Variants in ZNF26 observed in about 807,000 individuals in gnomAD.
ZNF26 encodes the protein zinc finger protein 26, also known as epididymis luminal protein 179.
A neutral mutation model predicts 54.9 loss-of-function variants in ZNF26; 32 were observed. That is an observed-to-expected ratio of 0.58 (90% CI 0.44 to 0.78). The LOEUF (loss-of-function observed/expected upper bound fraction) is 0.78. Ranked by LOEUF, ZNF26 falls within the 30% of genes least tolerant of loss-of-function variation. The pLI, the probability that ZNF26 is intolerant of heterozygous loss-of-function variation, is 0.00. For missense variants in ZNF26, 524 were observed against 634.0 expected (o/e 0.83, Z 1.86); for synonymous variants, 221 against 209.2 (o/e 1.06, Z -0.49).
Position 133,007,390 on chromosome 12 carries a change from T to A in ZNF26, c.161-47T>A, listed in dbSNP as rs1953354505. The A allele has an allele frequency of 4.6e-6, 7 of 1,523,290 alleles. No homozygotes were observed. The South Asian group carries it at 5.9e-5, about 13-fold the overall frequency. 94.4% of individuals were successfully genotyped at this position (1,523,290 alleles called of 1,614,324 possible). Reference sequence around the variant, plus strand: ...TCTGTAGCTCTTGATTCCTCGGTCCTGTCCCTAACAGCCTGGTCCCCACCC... The same window carrying A: ...TCTGTAGCTCTTGATTCCTCGGTCCAGTCCCTAACAGCCTGGTCCCCACCC... On this transcript the variant is annotated intron_variant, in intron 2 of 3. Transcript: ENST00000328654.
chr12:133,009,013 A>G (rs1055037579), intron 3 of ZNF26, among the ~76,000 whole-genome samples: 7 of 152,016 alleles, frequency 4.6e-5, no homozygotes. Flanking sequence ...CAGATCTCAC[A>G]AGAACTCACT....
chr12:132,992,934 A>AT (rs1257368844), intron 1 of ZNF26, among the ~76,000 whole-genome samples: 3 of 146,742 alleles, frequency 2.0e-5, no homozygotes, highest in African/African-American at 7.6e-5. Context: ...AAGTTCAAAG[A>AT]TTTTTTTCCT....
intron 1 of ZNF26, among the ~76,000 whole-genome samples, chr12:133,003,897 A>G (rs917332953): frequency 6.8e-6 from 1 of 146,988 alleles, no homozygotes; most frequent in Non-Finnish European, 1.5e-5. Context: ...CTTGGGATGT[A>G]TAAATAAGAA....
chr12:132,993,129 A>G (rs2137217553), intron 1 of ZNF26, among the ~76,000 whole-genome samples: 1 of 149,724 alleles, frequency 6.7e-6, no homozygotes, highest in Non-Finnish European at 1.5e-5. Context: ...GGTTCAAGCC[A>G]TTCTTGTGCC....
chr12:132,990,235 C>T (rs1198610926), intron 1 of ZNF26, among the ~76,000 whole-genome samples: 2 of 152,176 alleles, frequency 1.3e-5, no homozygotes, highest in Non-Finnish European at 2.9e-5. Context: ...CTGCTGTGAG[C>T]CATGTTTGCA....
In ZNF26 at chr12:133,001,645, A is replaced by T; in HGVS notation, c.34-5397A>T. 1.6e-6 allele frequency: 2 copies of T among 1,288,926 alleles called. No individual in the cohort carries two copies. Among genetic ancestry groups the T allele is most frequent in the South Asian group, 2.5e-5 (2 of 81,014 alleles). The allele number at this position is 1,288,926 out of a possible 1,614,324, so 79.8% of individuals were successfully genotyped here. A position where few individuals can be genotyped will look rare whatever the true frequency, so the allele number is the denominator to read the frequency against. On this transcript the variant is annotated intron_variant, in intron 1 of 3. Transcript: ENST00000328654. The surrounding 1 kb of genome is among the most constrained non-coding windows in gnomAD (Gnocchi z 4.7). ...TCCCTCCCTGCAGGTAGTGCTGCTG[A>T]GGAGGAGCCTGCTAATGAGCTCAAG...
In ZNF26 at chr12:133,014,851, G is replaced by C. The variant is rs1201990763; in HGVS notation, c.*3370G>C. 2 of 152,042 alleles carry C rather than the reference G, an allele frequency of 1.3e-5. No homozygotes were observed. The highest frequency in any genetic ancestry group is 2.9e-5 in the Non-Finnish European group (2 of 68,032). 9.4% of individuals were successfully genotyped at this position (152,042 alleles called of 1,614,324 possible). On this transcript the variant is annotated 3_prime_UTR_variant, in exon 4 of 4. Coordinates refer to ENST00000328654, the MANE Select transcript of ZNF26 (RefSeq NM_019591.4). ...GTGAGCCACCATGCCTGACCATGAT[G>C]ATGGTTTTAAAAGTTAGCTGTAGCA...
intron 1 of ZNF26, chr12:133,006,145 C>T (rs1381462904): frequency 1.0e-6 from 1 of 985,178 alleles, no homozygotes; most frequent in African/African-American, 1.7e-5. Context: ...TTTGCTGTTG[C>T]TTAGAATGCA....
rs35487841 is a variant in ZNF26 at position 133,010,655 on chromosome 12, G to C, written c.776G>C (p.Gly259Ala). Residue 259 changes from glycine to alanine, a missense_variant, in exon 4 of 4, where the codon GGC (glycine) becomes GCC (alanine). Coordinates refer to ENST00000328654, the MANE Select transcript of ZNF26 (RefSeq NM_019591.4). The stretch of plus-strand genomic sequence containing the variant: ...ATTCACACAGGAGGGAAACCCTATG[G>C]CTGCAGTGAATGTGGGAAAGCCTAC... ...QEIHTGGKPYGCSECGKAYSW... is the reference protein window; with the variant it reads ...QEIHTGGKPYACSECGKAYSW... 9.3e-5 allele frequency: 150 copies of C among 1,613,866 alleles called. No individual in the cohort carries two copies. Among genetic ancestry groups the C allele is most frequent in the Non-Finnish European group, 1.2e-4 (141 of 1,179,996 alleles).
intron 1 of ZNF26, chr12:133,005,259 G>C (rs1246108281): frequency 6.6e-6 from 1 of 152,132 alleles, no homozygotes; most frequent in Non-Finnish European, 1.5e-5. Flanking sequence ...CTGGAGTGCA[G>C]TGATGCGATC....
intron 1 of ZNF26, among the ~76,000 whole-genome samples, chr12:132,994,287 T>C (rs1178172909): frequency 6.6e-6 from 1 of 152,276 alleles, no homozygotes; most frequent in East Asian, 1.9e-4. Flanking sequence ...TGCCTGTCTC[T>C]AATTTTGGGG....
intron 1 of ZNF26, among the ~76,000 whole-genome samples, chr12:133,003,832 C>T (rs753633258): frequency 2.0e-5 from 3 of 152,210 alleles, no homozygotes; most frequent in South Asian, 4.2e-4. Flanking sequence ...TGGTGAACCA[C>T]GTGGAGGTGC....
At chr12:133,009,836 TG>T (rs1261826880) in intron 3 of ZNF26, among the ~76,000 whole-genome samples, 1 of 152,182 alleles carries the variant, frequency 6.6e-6, no homozygotes, top group African/African-American at 2.4e-5. Flanking sequence ...CCCTAGTAGC[TG>T]GGATTACAGG....
At chr12:133,002,656 C>T (rs1953244200) in intron 1 of ZNF26, among the ~76,000 whole-genome samples, 1 of 151,806 alleles carries the variant, frequency 6.6e-6, no homozygotes, top group Admixed American at 6.6e-5. Context: ...ATGTAGTCTT[C>T]TGTGTCGCCC....
rs1338669013 is a variant in ZNF26, at chr12:133,017,007, G to T, written c.*5526G>T. 1 of 151,872 alleles carries T rather than the reference G, an allele frequency of 6.6e-6. No individual in the cohort carries two copies. The highest frequency in any genetic ancestry group is 1.5e-5 in the Non-Finnish European group (1 of 67,986). 9.4% of individuals were successfully genotyped at this position (151,872 alleles called of 1,614,324 possible). A position where few individuals can be genotyped will look rare whatever the true frequency, so the allele number is the denominator to read the frequency against. Reference sequence around the variant, plus strand: ...CTGAAAGAAAATATCTACCTAGAAGGGTTATTCACAAACCAGGGTGAAATA... The same window carrying T: ...CTGAAAGAAAATATCTACCTAGAAGTGTTATTCACAAACCAGGGTGAAATA... On this transcript the variant is annotated 3_prime_UTR_variant, in exon 4 of 4. Coordinates refer to ENST00000328654, the MANE Select transcript of ZNF26 (RefSeq NM_019591.4).
Position 133,017,502 on chromosome 12 carries a change from G to T in ZNF26, c.*6021G>T, listed in dbSNP as rs1288142320. The T allele has an allele frequency of 6.6e-6, 1 of 152,072 alleles. No homozygotes were observed. The highest frequency in any genetic ancestry group is 6.5e-5 in the Admixed American group (1 of 15,272). The allele number at this position is 152,072 out of a possible 1,614,324, so 9.4% of individuals were successfully genotyped here. On this transcript the variant is annotated 3_prime_UTR_variant, in exon 4 of 4. Coordinates refer to ENST00000328654, the MANE Select transcript of ZNF26 (RefSeq NM_019591.4). Reference sequence around the variant, plus strand: ...TGGTAGTGATTCCTCAATAGGGAGTGTACACAGGTCCAAGAGCCAAGGAGT... The same window carrying T: ...TGGTAGTGATTCCTCAATAGGGAGTTTACACAGGTCCAAGAGCCAAGGAGT...
At chr12:133,007,662 A>G (rs988605288) in intron 3 of ZNF26, 130 bp downstream of exon 3, 38 of 611,286 alleles carry the variant, frequency 6.2e-5, no homozygotes, top group Non-Finnish European at 1.0e-4. Context: ...CTGACTCAGG[A>G]TGAAGCCAGG....
chr12:132,995,969 C>A (rs1243613024), intron 1 of ZNF26, among the ~76,000 whole-genome samples: 1 of 152,152 alleles, frequency 6.6e-6, no homozygotes, highest in African/African-American at 2.4e-5. Context: ...TGTTTTATAT[C>A]AGAGGATATT....
At chr12:132,988,408 A>ATT (rs1566250344) in intron 1 of ZNF26, among the ~76,000 whole-genome samples, 6 of 150,030 alleles carry the variant, frequency 4.0e-5, no homozygotes, top group Non-Finnish European at 7.4e-5. Context: ...GCTAATTAAA[A>ATT]ATTTTTTTTT....
Sources: allele counts gnomAD v4.1 joint callset (sites outside exome capture counted in the v4.1 genomes callset), GRCh38; gene constraint gnomAD v4.1.1; non-coding constraint Gnocchi (gnomAD v3.1); transcripts MANE v1.5; gene names NCBI Gene and HGNC (gene_info 2026-07-23, HGNC 2026-07-21).